Variants in TAFA2 observed in about 807,000 individuals in gnomAD.
The protein encoded by TAFA2 is chemokine-like protein TAFA-2.
Under a neutral mutation model 18.8 loss-of-function variants are expected in TAFA2, and 7 were observed. That is an observed-to-expected ratio of 0.37 (90% CI 0.21 to 0.70). The LOEUF (loss-of-function observed/expected upper bound fraction) is 0.70, where lower values mean the gene tolerates loss of function less well. Among genes scored for constraint, TAFA2 ranks in the 30% least tolerant of loss-of-function variants. The pLI is 0.53. For missense variants in TAFA2, 122 were observed against 158.1 expected, an observed-to-expected ratio of 0.77 and a Z score of 1.23; for synonymous variants, 60 against 54.2, an observed-to-expected ratio of 1.11 and a Z score of -0.47.
intron 1 of TAFA2, among the ~76,000 whole-genome samples, chr12:62,137,407 T>C (rs560071055): frequency 1.3e-5 from 2 of 152,272 alleles, no homozygotes; most frequent in African/African-American, 4.8e-5. Flanking sequence ...CAAGAATAAA[T>C]GGAAACAATG....
intron 1 of TAFA2, among the ~76,000 whole-genome samples, chr12:61,883,105 C>T (rs946396526): frequency 6.6e-6 from 1 of 152,150 alleles, no homozygotes; most frequent in Non-Finnish European, 1.5e-5. Context: ...CCTGCCTGCA[C>T]ACATGGAGCC....
intron 1 of TAFA2, among the ~76,000 whole-genome samples, chr12:62,170,781 A>C (rs566672553): frequency 6.6e-5 from 10 of 151,326 alleles, no homozygotes; most frequent in African/African-American, 2.2e-4. Flanking sequence ...CCTCCTTCCC[A>C]CCCTCCATCC....
chr12:61,882,684 G>C lies in TAFA2; in HGVS notation c.-1-15258C>G, dbSNP rs1398941326. Among the ~76,000 whole-genome samples the C allele has an allele frequency of 3.9e-5, 6 of 152,130 alleles. 1 individual carries two copies. The highest frequency in any genetic ancestry group is 1.4e-4 in the African/African-American group (6 of 41,532). On this transcript the variant is annotated intron_variant, in intron 1 of 4. Coordinates refer to ENST00000416284, the MANE Select transcript of TAFA2 (RefSeq NM_178539.5). Reference sequence around the variant, plus strand: ...TTTATTACATATAACTTTCCAGAAAGCACCTTAAAAAACCGCCTCACTTTA... The same window carrying C: ...TTTATTACATATAACTTTCCAGAAACCACCTTAAAAAACCGCCTCACTTTA...
At chr12:61,738,739 G>A (rs1223597950) in intron 4 of TAFA2, among the ~76,000 whole-genome samples, 1 of 152,034 alleles carries the variant, frequency 6.6e-6, no homozygotes, top group African/African-American at 2.4e-5. Context: ...ATTTAGTACA[G>A]TTCTATGGTT....
chr12:62,018,542 T>C (rs1432734464), intron 1 of TAFA2, among the ~76,000 whole-genome samples: 1 of 152,186 alleles, frequency 6.6e-6, no homozygotes, highest in Non-Finnish European at 1.5e-5. Flanking sequence ...TATCTGATCT[T>C]TGACAAACCT....
chr12:61,834,210 C>T (rs1007051046), intron 2 of TAFA2, among the ~76,000 whole-genome samples: 1 of 152,010 alleles, frequency 6.6e-6, no homozygotes, highest in African/African-American at 2.4e-5. Flanking sequence ...CCCCAATCTC[C>T]ACCGTTTTGC....
Position 61,756,471 on chromosome 12 carries a change from C to A in TAFA2, c.107-1447G>T, listed in dbSNP as rs984674148. 8.5e-5 allele frequency among the ~76,000 whole-genome samples: 13 copies of A among 152,122 alleles called. No homozygotes were observed. In the South Asian group the frequency reaches 2.7e-3, roughly 32 times the overall value. ...CAAATGGTTTATATTACATTATACA[C>A]GTTAATATTCTGCCTTCTCTACATT... is the stretch of plus-strand genomic sequence containing the variant. On this transcript the variant is annotated intron_variant, in intron 2 of 4. Coordinates refer to ENST00000416284, the MANE Select transcript of TAFA2 (RefSeq NM_178539.5).
intron 1 of TAFA2, among the ~76,000 whole-genome samples, chr12:62,020,057 T>C (rs1277718239): frequency 6.6e-6 from 1 of 152,184 alleles, no homozygotes; most frequent in Non-Finnish European, 1.5e-5. Context: ...GTCTCATCAT[T>C]ATAGATTAAA....
intron 1 of TAFA2, among the ~76,000 whole-genome samples, chr12:62,153,666 C>T (rs1172453384): frequency 6.7e-6 from 1 of 148,710 alleles, no homozygotes; most frequent in Non-Finnish European, 1.5e-5. Flanking sequence ...AAGACCTTGT[C>T]TCAAAAAAAA....
chr12:61,813,164 T>C (rs1391912346), intron 2 of TAFA2, among the ~76,000 whole-genome samples: 2 of 151,316 alleles, frequency 1.3e-5, no homozygotes, highest in African/African-American at 4.9e-5. Flanking sequence ...ACTATCATTA[T>C]ATGACAAATA....
intron 1 of TAFA2, among the ~76,000 whole-genome samples, chr12:61,914,756 GT>G (rs1337033354): frequency 6.6e-6 from 1 of 152,148 alleles, no homozygotes; most frequent in Non-Finnish European, 1.5e-5. Flanking sequence ...GACATCTGGA[GT>G]TGACAAAAAA....
At chr12:61,774,430 G>A (rs1403440473) in intron 2 of TAFA2, among the ~76,000 whole-genome samples, 1 of 151,822 alleles carries the variant, frequency 6.6e-6, no homozygotes, top group Non-Finnish European at 1.5e-5. Context: ...CAGCCCAAAT[G>A]CCCATCAATC....
At chr12:61,832,609 T>G (rs1241570744) in intron 2 of TAFA2, among the ~76,000 whole-genome samples, 1 of 152,098 alleles carries the variant, frequency 6.6e-6, no homozygotes, top group Non-Finnish European at 1.5e-5. Flanking sequence ...TTAAGGTGGT[T>G]TGTAATGCAG....
chr12:61,900,015 T>C lies in TAFA2; in HGVS notation c.-1-32589A>G, dbSNP rs74096105. Reference sequence around the variant, plus strand: ...GGGAAGACTGTATTTCGAAGCTGGGTTTGTGTTGTTGCATCCAGTTGTATT... The same window carrying C: ...GGGAAGACTGTATTTCGAAGCTGGGCTTGTGTTGTTGCATCCAGTTGTATT... On this transcript the variant is annotated intron_variant, in intron 1 of 4. Coordinates refer to ENST00000416284, the MANE Select transcript of TAFA2 (RefSeq NM_178539.5). Among the ~76,000 whole-genome samples, 1,191 of 152,270 alleles carry C rather than the reference T, an allele frequency of 7.8e-3. 13 individuals carry two copies. Among genetic ancestry groups the C allele is most frequent in the African/African-American group, 0.028 (1,149 of 41,558 alleles).
At chr12:61,811,518 C>CGTAT (rs1871868071) in intron 2 of TAFA2, among the ~76,000 whole-genome samples, 1 of 151,214 alleles carries the variant, frequency 6.6e-6, no homozygotes, top group African/African-American at 2.5e-5. Flanking sequence ...AATAGAAATA[C>CGTAT]GTAAAGGACA....
At chr12:62,234,430 C>T (rs1298134545) in intron 1 of TAFA2, 8 of 753,308 alleles carry the variant, frequency 1.1e-5, no homozygotes, top group African/African-American at 6.9e-5. Context: ...ATTGTTGGCC[C>T]GTGGGTCTGA....
intron 1 of TAFA2, among the ~76,000 whole-genome samples, chr12:62,169,599 C>G (rs868533375): frequency 6.6e-6 from 1 of 152,228 alleles, no homozygotes; most frequent in South Asian, 2.1e-4. Context: ...CGCCTGTAAT[C>G]CCAGCATTTT....
intron 1 of TAFA2, among the ~76,000 whole-genome samples, chr12:62,012,971 A>C (rs993390585): frequency 1.8e-4 from 27 of 152,182 alleles, no homozygotes; most frequent in African/African-American, 5.8e-4. Context: ...TATTCTCCTT[A>C]TTAAAATGCT....
intron 1 of TAFA2, among the ~76,000 whole-genome samples, chr12:61,910,048 G>T (rs1322092820): frequency 6.6e-6 from 1 of 151,642 alleles, no homozygotes; most frequent in Non-Finnish European, 1.5e-5. Context: ...AAAAAACAAG[G>T]CCCCAAAAGA....
Sources: allele counts gnomAD v4.1 joint callset (sites outside exome capture counted in the v4.1 genomes callset), GRCh38; gene constraint gnomAD v4.1.1; transcripts MANE v1.5; gene names NCBI Gene and HGNC (gene_info 2026-07-23, HGNC 2026-07-21).